IQSEC1: variants seen among roughly 807,000 people sequenced by gnomAD.
IQSEC1 encodes the protein IQ motif and Sec7 domain ArfGEF 1.
A neutral mutation model predicts 91.0 loss-of-function variants in IQSEC1; 31 were observed. That is an observed-to-expected ratio of 0.34 (90% CI 0.26 to 0.46). The LOEUF is 0.46. Among genes scored for constraint, IQSEC1 ranks in the 20% least tolerant of loss-of-function variants. The probability of loss-of-function intolerance (pLI) is 1.00; values close to 1 mark genes in which losing one functional copy is unlikely to be tolerated. For missense variants in IQSEC1, 1,388 were observed against 1,575.6 expected (o/e 0.88, Z 2.02); for synonymous variants, 699 against 662.6 (o/e 1.05, Z -0.84).
At chr3:13,074,914 G>T (rs574039795), upstream of IQSEC1, among the ~76,000 whole-genome samples, 179 of 152,374 alleles carry the variant, frequency 1.2e-3, no homozygotes, top group Middle Eastern at 3.4e-3. Flanking sequence ...ACAGCAAAGA[G>T]TGGCAGAGGT....
chr3:13,258,291 T>C (rs914486004), intron 1 of IQSEC1, among the ~76,000 whole-genome samples: 2 of 152,218 alleles, frequency 1.3e-5, no homozygotes, highest in African/African-American at 4.8e-5. Context: ...GGGAACTCAC[T>C]GTACTTACTG....
chr3:13,267,927 A>C (rs1234397144), intron 1 of IQSEC1, among the ~76,000 whole-genome samples: 1 of 152,140 alleles, frequency 6.6e-6, no homozygotes, highest in African/African-American at 2.4e-5. Flanking sequence ...AGAGTCAGCA[A>C]ATTTCTTAAA....
intron 1 of IQSEC1, among the ~76,000 whole-genome samples, chr3:13,047,079 C>T (rs1439246278): frequency 1.4e-5 from 2 of 146,006 alleles, no homozygotes; most frequent in African/African-American, 4.9e-5. Context: ...CCAATAGAAA[C>T]CAACAGGCTT....
In IQSEC1 at chr3:12,933,518, G is replaced by A. The variant is rs1049609900; in HGVS notation, c.1568+1930C>T. 1.6e-4 allele frequency among the ~76,000 whole-genome samples: 24 copies of A among 152,234 alleles called. 1 individual carries two copies. The highest frequency in any genetic ancestry group is 5.5e-4 in the African/African-American group (23 of 41,456). ...ATAGTAAGGCCCTATCCTGTGCCAC[G>A]TCCTGCTTTCAGCACTTCACACAGA... On this transcript the variant is annotated intron_variant, in intron 3 of 13. Coordinates refer to ENST00000613206, the MANE Select transcript of IQSEC1 (RefSeq NM_001134382.3).
intron 2 of IQSEC1, among the ~76,000 whole-genome samples, chr3:13,150,917 T>TGGTCCAGGGCTGGCCTGGTGGGGCA (rs1487002496): frequency 6.6e-6 from 1 of 152,212 alleles, no homozygotes. Flanking sequence ...TGAAAGCAGA[T>TGGTCCAGGGCTGGCCTGGTGGGGCA]GGTCCAGGGC....
intron 1 of IQSEC1, among the ~76,000 whole-genome samples, chr3:13,030,219 T>G (rs1451653503): frequency 6.6e-6 from 1 of 152,184 alleles, no homozygotes; most frequent in Non-Finnish European, 1.5e-5. Context: ...TGCCTCAGCC[T>G]CCTGAGTAGC....
At chr3:13,242,807 C>T (rs916103413) in intron 1 of IQSEC1, among the ~76,000 whole-genome samples, 43 of 151,514 alleles carry the variant, frequency 2.8e-4, no homozygotes, top group African/African-American at 9.2e-4. Flanking sequence ...TTTCATCTGA[C>T]GCAGACACCA....
intron 1 of IQSEC1, among the ~76,000 whole-genome samples, chr3:13,245,986 G>C (rs1695102585): frequency 1.3e-5 from 2 of 152,246 alleles, no homozygotes; most frequent in South Asian, 4.1e-4. Context: ...GGCTAGGCCT[G>C]TCCCAACATG....
At chr3:13,194,231 G>A (rs551911848) in intron 1 of IQSEC1, among the ~76,000 whole-genome samples, 1 of 152,266 alleles carries the variant, frequency 6.6e-6, no homozygotes, top group Admixed American at 6.5e-5. Flanking sequence ...TAACTCAGCC[G>A]GGAGCAGTTG....
rs1313399114 is a variant in IQSEC1 at position 13,008,395 on chromosome 3, G to A, written c.23+64597C>T. ...CCCAGACGTCCTCTCTGAGAGTGCT[G>A]CCATTAGTCTCCAAACCCTCTGTCC... On this transcript the variant is annotated intron_variant, in intron 1 of 13. Coordinates refer to ENST00000613206, the MANE Select transcript of IQSEC1 (RefSeq NM_001134382.3). The surrounding 1 kb of genome is among the most constrained non-coding windows in gnomAD (Gnocchi z 4.1). Among the ~76,000 whole-genome samples the A allele has an allele frequency of 6.6e-6, 1 of 152,160 alleles. No homozygotes were observed.
rs1346371564 is a variant in IQSEC1, at chr3:13,211,476, G to A, written c.273-47343C>T. On this transcript the variant is annotated intron_variant, in intron 1 of 15. Transcript: ENST00000648114. The surrounding 1 kb of genome is among the most constrained non-coding windows in gnomAD (Gnocchi z 5.3). ...CCTTACAAACAAAGACCCCAACTCAGGGTCTCGGCTCTTCAGGCATCCACC... is the reference window on the plus strand; with the variant it reads ...CCTTACAAACAAAGACCCCAACTCAAGGTCTCGGCTCTTCAGGCATCCACC... Among the ~76,000 whole-genome samples, 1 of 151,646 alleles carries A rather than the reference G, an allele frequency of 6.6e-6. No individual in the cohort carries two copies. The highest frequency in any genetic ancestry group is 1.5e-5 in the Non-Finnish European group (1 of 67,922).
Position 13,162,419 on chromosome 3 carries a change from AG to A in IQSEC1, c.302+1684del, listed in dbSNP as rs796349295. ...CCCCTTCCACCTCAGAGCCAGCCCC[AG>A]GGATTGGCAACCCACCCTCTCCCTA... On this transcript the variant is annotated intron_variant, in intron 2 of 15. Transcript: ENST00000648114. Among the ~76,000 whole-genome samples the A allele has an allele frequency of 1.6e-3, 244 of 152,240 alleles. 2 individuals are homozygous for A. The highest frequency in any genetic ancestry group is 5.6e-3 in the African/African-American group (232 of 41,558).
chr3:13,079,914 A>C (rs1264725974), intron 2 of IQSEC1, among the ~76,000 whole-genome samples: 1 of 152,216 alleles, frequency 6.6e-6, no homozygotes, highest in African/African-American at 2.4e-5. Flanking sequence ...AAGGTTTTTG[A>C]GAAAAAGAGA....
At chr3:12,937,475 T>G (rs2125319463) in intron 2 of IQSEC1, among the ~76,000 whole-genome samples, 1 of 152,368 alleles carries the variant, frequency 6.6e-6, no homozygotes, top group Non-Finnish European at 1.5e-5. Context: ...GATGGGTCAC[T>G]GAGCTTCAGG....
intron 1 of IQSEC1, among the ~76,000 whole-genome samples, chr3:13,240,785 C>T (rs926749236): frequency 3.3e-5 from 5 of 152,150 alleles, no homozygotes; most frequent in Admixed American, 6.5e-5. Flanking sequence ...GATGCAGGTG[C>T]CAACAGGCAG....
chr3:12,990,477 G>A (rs976460858), intron 1 of IQSEC1, among the ~76,000 whole-genome samples: 4 of 152,192 alleles, frequency 2.6e-5, no homozygotes, highest in African/African-American at 7.2e-5. Flanking sequence ...AAGCACAACT[G>A]GATAAGGAAT....
chr3:12,959,707 C>CA (rs757936643), intron 1 of IQSEC1, among the ~76,000 whole-genome samples: 35 of 152,328 alleles, frequency 2.3e-4, no homozygotes, highest in Non-Finnish European at 4.0e-4. Flanking sequence ...AACCATGAGA[C>CA]AGGTCCTTGA....
chr3:13,196,107 C>G (rs1259801235), intron 1 of IQSEC1, among the ~76,000 whole-genome samples: 1 of 152,196 alleles, frequency 6.6e-6, no homozygotes, highest in Admixed American at 6.5e-5. Flanking sequence ...TTCTCTTTCT[C>G]TCTTTCTCTG....
intron 1 of IQSEC1, among the ~76,000 whole-genome samples, chr3:13,061,629 G>A (rs1266292004): frequency 2.6e-5 from 4 of 152,132 alleles, no homozygotes; most frequent in South Asian, 2.1e-4. Flanking sequence ...CCAGCCGTCC[G>A]GTGGGGGTGC....
Sources: gnomAD v4.1 joint callset for allele counts (sites outside exome capture counted in the v4.1 genomes callset) on GRCh38, gnomAD v4.1.1 for gene constraint, Gnocchi (gnomAD v3.1) non-coding constraint, MANE v1.5 for transcripts, NCBI Gene and HGNC (gene_info 2026-07-23, HGNC 2026-07-21) for gene names.